The following NAALADL2 variants were observed in gnomAD, a reference collection of about 807,000 sequenced individuals.
NAALADL2 encodes the protein N-acetylated alpha-linked acidic dipeptidase like 2, also known as inactive N-acetylated-alpha-linked acidic dipeptidase-like protein 2.
A neutral mutation model predicts 87.2 loss-of-function variants in NAALADL2; 76 were observed. The ratio of observed to expected loss-of-function variants is 0.87; its 90% CI spans 0.72 to 1.05. The LOEUF (loss-of-function observed/expected upper bound fraction) is 1.05, where lower values mean the gene tolerates loss of function less well. NAALADL2 is among the 50% of genes least tolerant of loss of function. NAALADL2 has a pLI of 0.00. For synonymous variants in NAALADL2, 354 were observed against 331.0 expected, an observed-to-expected ratio of 1.07 and a Z score of -0.75; for missense variants, 1,089 against 945.8, an observed-to-expected ratio of 1.15 and a Z score of -1.99.
chr3:175,513,419 A>C (rs1462912966), intron 9 of NAALADL2, among the ~76,000 whole-genome samples: 2 of 152,186 alleles, frequency 1.3e-5, no homozygotes, highest in Non-Finnish European at 2.9e-5. Context: ...AGAGCAGCAT[A>C]AAAGAACATT....
chr3:175,364,694 G>T (rs1315529206), intron 5 of NAALADL2, among the ~76,000 whole-genome samples: 1 of 147,180 alleles, frequency 6.8e-6, no homozygotes, highest in African/African-American at 2.5e-5. Flanking sequence ...CTCCATTTTT[G>T]AAGACAAAGA....
chr3:175,078,789 A>G (rs1717154766), intron 1 of NAALADL2, among the ~76,000 whole-genome samples: 1 of 152,218 alleles, frequency 6.6e-6, no homozygotes, highest in Non-Finnish European at 1.5e-5. Flanking sequence ...ATTGCTGAAT[A>G]ATATTCCCAT....
intron 9 of NAALADL2, among the ~76,000 whole-genome samples, chr3:175,573,036 G>A (rs1272781580): frequency 6.6e-6 from 1 of 152,016 alleles, no homozygotes; most frequent in East Asian, 1.9e-4. Context: ...AACTAATGAT[G>A]ACAATGAAAA....
chr3:175,726,714 AG>A (rs1742973623), intron 11 of NAALADL2, among the ~76,000 whole-genome samples: 1 of 152,080 alleles, frequency 6.6e-6, no homozygotes, highest in African/African-American at 2.4e-5. Flanking sequence ...ATGTGTGATC[AG>A]ATTTCATCTC....
chr3:174,875,010 G>A lies in NAALADL2; in HGVS notation c.43+15560G>A, dbSNP rs112570252. ...GCACCCATAGTCCCAGCTATTTGGG[G>A]GCTGAGGTGGGAGGATTGTTTGAGC... is the stretch of plus-strand genomic sequence containing the variant. On this transcript the variant is annotated intron_variant, in intron 1 of 13. Transcript: ENST00000454872. 5.7e-3 allele frequency among the ~76,000 whole-genome samples: 855 copies of A among 151,160 alleles called. 4 individuals carry two copies. Among genetic ancestry groups the A allele is most frequent in the Non-Finnish European group, 6.0e-3 (404 of 67,812 alleles).
chr3:174,876,408 A>G (rs1455736453), intron 1 of NAALADL2, among the ~76,000 whole-genome samples: 1 of 152,134 alleles, frequency 6.6e-6, no homozygotes, highest in Non-Finnish European at 1.5e-5. Context: ...CCCTCCCACC[A>G]CATAACCTTC....
chr3:174,832,833 C>G (rs1283245152), intron 3 of NAALADL2, among the ~76,000 whole-genome samples: 4 of 152,158 alleles, frequency 2.6e-5, no homozygotes, highest in Non-Finnish European at 5.9e-5. Context: ...CAAGGTCATA[C>G]TGAAAGCAAG....
chr3:174,908,897 G>A (rs922986579), intron 1 of NAALADL2, among the ~76,000 whole-genome samples: 2 of 151,892 alleles, frequency 1.3e-5, no homozygotes, highest in Admixed American at 6.6e-5. Flanking sequence ...AAAGGAATCC[G>A]AAAGAGGGAT....
At chr3:175,595,014 C>T (rs866419437) in intron 10 of NAALADL2, among the ~76,000 whole-genome samples, 2 of 151,980 alleles carry the variant, frequency 1.3e-5, no homozygotes, top group Non-Finnish European at 2.9e-5. Flanking sequence ...CTGGCTCCCA[C>T]ATGTCAGTTT....
chr3:175,033,907 A>G (rs1560498437), intron 1 of NAALADL2, among the ~76,000 whole-genome samples: 1 of 152,136 alleles, frequency 6.6e-6, no homozygotes, highest in Non-Finnish European at 1.5e-5. Flanking sequence ...CCTATTTGAC[A>G]TTATCACTTG....
chr3:175,230,589 C>T (rs1181609326), intron 2 of NAALADL2, among the ~76,000 whole-genome samples: 2 of 151,802 alleles, frequency 1.3e-5, no homozygotes, highest in African/African-American at 4.8e-5. Context: ...CATTGTAGAG[C>T]GGAAATTAGA....
At chr3:174,972,250 C>T (rs1743784389) in intron 1 of NAALADL2, among the ~76,000 whole-genome samples, 1 of 152,130 alleles carries the variant, frequency 6.6e-6, no homozygotes, top group Non-Finnish European at 1.5e-5. Flanking sequence ...GATTTATTGT[C>T]TTTCAGTTTG....
intron 1 of NAALADL2, among the ~76,000 whole-genome samples, chr3:175,088,197 C>G (rs983312769): frequency 4.6e-5 from 7 of 152,038 alleles, no homozygotes; most frequent in Non-Finnish European, 8.8e-5. Context: ...AGATTGTAGC[C>G]TAACAGTGTG....
At chr3:175,200,639 G>A (rs925351238) in intron 2 of NAALADL2, among the ~76,000 whole-genome samples, 1 of 152,278 alleles carries the variant, frequency 6.6e-6, no homozygotes, top group South Asian at 2.1e-4. Context: ...CATCCAGTGA[G>A]ACATGAAAGC....
At chr3:174,897,793 A>G (rs539251469) in intron 1 of NAALADL2, among the ~76,000 whole-genome samples, 106 of 152,244 alleles carry the variant, frequency 7.0e-4, no homozygotes, top group African/African-American at 2.3e-3. Flanking sequence ...GATAAAGAAA[A>G]TGTGGAGTCC....
chr3:174,475,667 G>A (rs868577672), intron 1 of NAALADL2, among the ~76,000 whole-genome samples: 2 of 152,074 alleles, frequency 1.3e-5, no homozygotes, highest in African/African-American at 4.8e-5. Context: ...CTAAAATGAT[G>A]ACTGTGAATA....
intron 5 of NAALADL2, among the ~76,000 whole-genome samples, chr3:175,386,707 A>T (rs1768421415): frequency 1.3e-5 from 2 of 152,100 alleles, no homozygotes; most frequent in African/African-American, 4.8e-5. Context: ...TAGAATAATG[A>T]AGTGTTGTGT....
At chr3:175,692,803 A>T (rs1334668937) in intron 11 of NAALADL2, among the ~76,000 whole-genome samples, 4 of 151,848 alleles carry the variant, frequency 2.6e-5, no homozygotes, top group Non-Finnish European at 5.9e-5. Flanking sequence ...TTCATTTCTG[A>T]TTTTTTTTCC....
intron 11 of NAALADL2, among the ~76,000 whole-genome samples, chr3:175,646,040 TA>T (rs974857381): frequency 6.6e-6 from 1 of 152,104 alleles, no homozygotes; most frequent in Non-Finnish European, 1.5e-5. Context: ...TGTCAATTTG[TA>T]AAACCTTAAA....
Sources: gnomAD v4.1 joint callset for allele counts (sites outside exome capture counted in the v4.1 genomes callset) on GRCh38, gnomAD v4.1.1 for gene constraint, MANE v1.5 for transcripts, NCBI Gene and HGNC (gene_info 2026-07-23, HGNC 2026-07-21) for gene names.